The following LARP1B variants were observed in gnomAD, a reference collection of about 807,000 sequenced individuals.
LARP1B encodes the protein la-related protein 1B.
LARP1B carries 76 observed loss-of-function variants against 114.2 expected under a neutral mutation model. That is an observed-to-expected ratio of 0.67 (90% CI 0.55 to 0.81). The LOEUF (loss-of-function observed/expected upper bound fraction) is 0.81. LARP1B is among the 30% of genes least tolerant of loss of function. The probability of loss-of-function intolerance (pLI) is 0.00; values close to 1 mark genes in which losing one functional copy is unlikely to be tolerated. For synonymous variants in LARP1B, 345 were observed against 348.0 expected (o/e 0.99, Z 0.10); for missense variants, 1,014 against 1,075.8 (o/e 0.94, Z 0.80).
At chr4:128,145,709 T>G (rs1397978952) in intron 11 of LARP1B, among the ~76,000 whole-genome samples, 1 of 152,208 alleles carries the variant, frequency 6.6e-6, no homozygotes, top group African/African-American at 2.4e-5. Context: ...GTTAGGAAAT[T>G]GTACCCAGAA....
chr4:128,108,015 T>G, intron 9 of LARP1B: 2 of 1,523,140 alleles, frequency 1.3e-6, no homozygotes, highest in Non-Finnish European at 1.8e-6. Flanking sequence ...TCAGACTGTC[T>G]TCTGTTCAAG....
rs1282579911 is a variant in LARP1B at position 128,083,576 on chromosome 4, A to AC, written c.358+1278dup. Among the ~76,000 whole-genome samples the AC allele has an allele frequency of 3.7e-4, 39 of 104,392 alleles. No individual in the cohort carries two copies. The East Asian group carries it at 4.7e-3, about 12-fold the overall frequency. 68.5% of individuals were successfully genotyped at this position (104,392 alleles called of 152,430 possible). On this transcript the variant is annotated intron_variant, in intron 5 of 19. Transcript: ENST00000326639. Reference sequence around the variant, plus strand: ...GGGGCGGCTGGCGGGCAGGGGGCTGACCCCCCCACCTCCCTCCCAGACGGG... The same window carrying AC: ...GGGGCGGCTGGCGGGCAGGGGGCTGACCCCCCCCACCTCCCTCCCAGACGGG...
At chr4:128,137,166 T>C (rs1366880658) in intron 11 of LARP1B, among the ~76,000 whole-genome samples, 1 of 152,046 alleles carries the variant, frequency 6.6e-6, no homozygotes, top group Non-Finnish European at 1.5e-5. Flanking sequence ...CCCCGACAGG[T>C]TGCAGTGAGC....
chr4:128,220,333 T>G, intron 6 of LARP1B: 1 of 917,384 alleles, frequency 1.1e-6, no homozygotes, highest in Non-Finnish European at 1.3e-6. Context: ...GTAACTATTA[T>G]TTTTATTTTA....
At chr4:128,130,295 A>T (rs1306426606) in intron 11 of LARP1B, among the ~76,000 whole-genome samples, 1 of 152,230 alleles carries the variant, frequency 6.6e-6, no homozygotes, top group Non-Finnish European at 1.5e-5. Context: ...AACTATTAAG[A>T]CTAAGAAAAC....
At chr4:128,140,737 G>A (rs1420802795) in intron 11 of LARP1B, among the ~76,000 whole-genome samples, 2 of 151,952 alleles carry the variant, frequency 1.3e-5, no homozygotes, top group Admixed American at 6.6e-5. Flanking sequence ...TAGTACAAAA[G>A]AGGCAAGCCA....
rs190125177 is a variant in LARP1B at position 128,085,192 on chromosome 4, T to C, written c.358+2887T>C. On this transcript the variant is annotated intron_variant, in intron 5 of 19. Coordinates refer to ENST00000326639, the MANE Select transcript of LARP1B (RefSeq NM_018078.4). ...TGATTATTAACCTTGATTACTTGGT[T>C]GAGGTAGTGTACTCTAGACTTTTAA... Among the ~76,000 whole-genome samples the C allele has an allele frequency of 2.6e-3, 391 of 152,266 alleles. 1 individual carries two copies. Among genetic ancestry groups the C allele is most frequent in the Non-Finnish European group, 4.5e-3 (305 of 68,010 alleles).
At chr4:128,094,462 G>A (rs1031033410) in intron 7 of LARP1B, among the ~76,000 whole-genome samples, 2 of 147,070 alleles carry the variant, frequency 1.4e-5, no homozygotes, top group African/African-American at 2.5e-5. Context: ...GTACAGTGGC[G>A]CAATCTCGGC....
At chr4:128,134,804 A>T (rs1341915884) in intron 11 of LARP1B, among the ~76,000 whole-genome samples, 1 of 152,146 alleles carries the variant, frequency 6.6e-6, no homozygotes, top group African/African-American at 2.4e-5. Flanking sequence ...TCTAAAGGTG[A>T]TATGAAAATG....
intron 1 of LARP1B, chr4:128,062,000 G>A: frequency 5.1e-6 from 5 of 985,150 alleles, no homozygotes; most frequent in Non-Finnish European, 6.0e-6. Context: ...TTTCGGCGGG[G>A]AGCCGCCACC....
chr4:128,134,100 A>G (rs1792483290), intron 11 of LARP1B, among the ~76,000 whole-genome samples: 1 of 150,546 alleles, frequency 6.6e-6, no homozygotes, highest in African/African-American at 2.4e-5. Flanking sequence ...TCCTGGGCTC[A>G]TGCAATCCTC....
At chr4:128,144,434 A>AT (rs60565912) in intron 11 of LARP1B, among the ~76,000 whole-genome samples, 2,031 of 151,896 alleles carry the variant, frequency 0.013, 51 homozygotes, top group African/African-American at 0.047. Context: ...TTCCTTACTC[A>AT]TTTTTTACTT....
chr4:128,206,359 G>T, intron 17 of LARP1B, 69 bp from the exon 18 acceptor site: 2 of 828,876 alleles, frequency 2.4e-6, no homozygotes, highest in Non-Finnish European at 1.8e-6. Flanking sequence ...TGCCATGTTT[G>T]CTTATATTGA....
chr4:128,087,797 T>C (rs1478057954), intron 5 of LARP1B, among the ~76,000 whole-genome samples: 1 of 152,088 alleles, frequency 6.6e-6, no homozygotes, highest in Non-Finnish European at 1.5e-5. Flanking sequence ...GAGGATTGCT[T>C]GAGCCTGCGA....
At chr4:128,066,774 G>T (rs904230677) in intron 1 of LARP1B, among the ~76,000 whole-genome samples, 3 of 149,362 alleles carry the variant, frequency 2.0e-5, no homozygotes, top group African/African-American at 7.4e-5. Flanking sequence ...ACCGTGCCTG[G>T]CCGGGCTTTC....
intron 10 of LARP1B, among the ~76,000 whole-genome samples, chr4:128,115,858 C>T (rs553359815): frequency 6.6e-6 from 1 of 152,248 alleles, no homozygotes; most frequent in Admixed American, 6.5e-5. Flanking sequence ...GGGATTACAC[C>T]ATATTGTCCA....
At chr4:128,206,867 A>C (rs1757748028) in intron 18 of LARP1B, 1 of 982,698 alleles carries the variant, frequency 1.0e-6, no homozygotes, top group African/African-American at 1.7e-5. Context: ...CAGAAATAGC[A>C]CAGTGGTTAA....
At chr4:128,182,982 C>T (rs1012484929) in intron 15 of LARP1B, among the ~76,000 whole-genome samples, 1 of 152,026 alleles carries the variant, frequency 6.6e-6, no homozygotes, top group African/African-American at 2.4e-5. Context: ...CTGAAAGAGG[C>T]GAGGGAGGTG....
intron 9 of LARP1B, among the ~76,000 whole-genome samples, chr4:128,113,197 T>G (rs1321258218): frequency 1.3e-5 from 2 of 152,164 alleles, no homozygotes; most frequent in Non-Finnish European, 1.5e-5. Flanking sequence ...ACAGAGTACA[T>G]TTTTTGAAGA....
Sources: gnomAD v4.1 joint callset for allele counts (sites outside exome capture counted in the v4.1 genomes callset) on GRCh38, gnomAD v4.1.1 for gene constraint, MANE v1.5 for transcripts, NCBI Gene and HGNC (gene_info 2026-07-23, HGNC 2026-07-21) for gene names.